The following MAGI2 variants were observed in gnomAD, a reference collection of about 807,000 sequenced individuals.
The protein encoded by MAGI2 is membrane associated guanylate kinase, WW and PDZ domain containing 2, also known as membrane-associated guanylate kinase, WW and PDZ domain-containing protein 2.
Under a neutral mutation model 133.3 loss-of-function variants are expected in MAGI2, and 35 were observed. The observed-to-expected ratio is 0.26, with a 90% CI of 0.20 to 0.35. MAGI2 has a LOEUF of 0.35. Among genes scored for constraint, MAGI2 ranks in the 10% least tolerant of loss-of-function variants. The probability of loss-of-function intolerance (pLI) is 1.00; values close to 1 mark genes in which losing one functional copy is unlikely to be tolerated. For synonymous variants in MAGI2, 729 were observed against 710.6 expected, an observed-to-expected ratio of 1.03 and a Z score of -0.41; for missense variants, 1,636 against 1,863.4, an observed-to-expected ratio of 0.88 and a Z score of 2.25.
intron 2 of MAGI2, among the ~76,000 whole-genome samples, chr7:78,926,493 T>A (rs1387228555): frequency 6.6e-6 from 1 of 151,994 alleles, no homozygotes; most frequent in Non-Finnish European, 1.5e-5. Flanking sequence ...AGTCTCCCAG[T>A]TGCCCTATGC....
chr7:79,377,159 T>C (rs567046260), intron 1 of MAGI2, among the ~76,000 whole-genome samples: 1 of 151,978 alleles, frequency 6.6e-6, no homozygotes, highest in East Asian at 1.9e-4. Context: ...GTCAGATATA[T>C]TAGGGCTGGT....
intron 2 of MAGI2, among the ~76,000 whole-genome samples, chr7:78,960,041 G>A (rs10277798): frequency 0.59 from 90,269 of 151,896 alleles, 27,123 homozygotes; most frequent in East Asian, 0.73. Flanking sequence ...AATACCTAGA[G>A]CAAGGATTCT....
At chr7:78,643,134 C>T (rs114482633) in intron 2 of MAGI2, among the ~76,000 whole-genome samples, 4,741 of 152,244 alleles carry the variant, frequency 0.031, 252 homozygotes, top group African/African-American at 0.11. Flanking sequence ...TAAATACATA[C>T]AACTATTACA....
At chr7:79,298,129 G>C (rs12670442) in intron 1 of MAGI2, among the ~76,000 whole-genome samples, 141,781 of 152,216 alleles carry the variant, frequency 0.93, 66,388 homozygotes, top group Non-Finnish European at 0.98. Flanking sequence ...ATCAGAGAAC[G>C]ATGAATACTG....
chr7:79,118,521 C>T (rs1584968896), intron 1 of MAGI2, among the ~76,000 whole-genome samples: 1 of 152,086 alleles, frequency 6.6e-6, no homozygotes, highest in Non-Finnish European at 1.5e-5. Context: ...CAATACATGG[C>T]TACTATACCT....
chr7:79,002,193 G>A (rs1314928512), intron 2 of MAGI2, among the ~76,000 whole-genome samples: 3 of 149,750 alleles, frequency 2.0e-5, no homozygotes, highest in Non-Finnish European at 4.4e-5. Context: ...ATGCAGTGGT[G>A]CAATCATGGC....
chr7:78,262,988 C>T lies in MAGI2; in HGVS notation c.1409-6407G>A, dbSNP rs368451463. 7.2e-5 allele frequency among the ~76,000 whole-genome samples: 11 copies of T among 152,264 alleles called. No individual in the cohort carries two copies. The South Asian group carries it at 2.3e-3, about 32-fold the overall frequency. On this transcript the variant is annotated intron_variant, in intron 9 of 21. Coordinates refer to ENST00000354212, the MANE Select transcript of MAGI2 (RefSeq NM_012301.4). ...GTCCTTACTCCCGTCTCTCCCTCCTCTGTCTAGTAGTCCCCAGTGTCTATC... is the reference window on the plus strand; with the variant it reads ...GTCCTTACTCCCGTCTCTCCCTCCTTTGTCTAGTAGTCCCCAGTGTCTATC...
chr7:78,454,022 T>C (rs923425697), intron 6 of MAGI2, among the ~76,000 whole-genome samples: 1 of 152,152 alleles, frequency 6.6e-6, no homozygotes, highest in African/African-American at 2.4e-5. Context: ...CACATTTATC[T>C]TTCGTGTTGA....
At chr7:78,860,475 C>T (rs902735963) in intron 2 of MAGI2, among the ~76,000 whole-genome samples, 1 of 152,184 alleles carries the variant, frequency 6.6e-6, no homozygotes, top group African/African-American at 2.4e-5. Context: ...TCAGGACCCT[C>T]AGCTGCAGGT....
chr7:78,187,135 A>G (rs571029945), intron 12 of MAGI2, among the ~76,000 whole-genome samples: 1 of 152,308 alleles, frequency 6.6e-6, no homozygotes, highest in South Asian at 2.1e-4. Flanking sequence ...ACAGATAAAA[A>G]TTAACTAAAC....
At chr7:78,952,243 G>A (rs1336671037) in intron 2 of MAGI2, among the ~76,000 whole-genome samples, 1 of 152,062 alleles carries the variant, frequency 6.6e-6, no homozygotes, top group African/African-American at 2.4e-5. Flanking sequence ...TTTGAGGGTG[G>A]GGTCATTGTC....
chr7:78,817,608 G>T (rs1403675864), intron 2 of MAGI2, among the ~76,000 whole-genome samples: 1 of 152,158 alleles, frequency 6.6e-6, no homozygotes, highest in African/African-American at 2.4e-5. Flanking sequence ...GACTCTGAAA[G>T]CTCAGATGAT....
intron 2 of MAGI2, among the ~76,000 whole-genome samples, chr7:78,995,598 T>C (rs888929910): frequency 2.0e-5 from 3 of 152,202 alleles, no homozygotes; most frequent in Non-Finnish European, 4.4e-5. Flanking sequence ...CAATTGAAGA[T>C]ACGTTCATAT....
intron 1 of MAGI2, among the ~76,000 whole-genome samples, chr7:79,326,551 A>G (rs1406430127): frequency 6.6e-6 from 1 of 152,182 alleles, no homozygotes; most frequent in Non-Finnish European, 1.5e-5. Context: ...GACCTATGAA[A>G]GGTATACTCC....
chr7:79,367,341 A>C (rs1427426253), intron 1 of MAGI2, among the ~76,000 whole-genome samples: 2 of 152,236 alleles, frequency 1.3e-5, no homozygotes, highest in Non-Finnish European at 2.9e-5. Context: ...CAGGGAGAGA[A>C]TCTTAATGCA....
intron 2 of MAGI2, among the ~76,000 whole-genome samples, chr7:78,847,937 C>G (rs977457153): frequency 6.6e-6 from 1 of 151,932 alleles, no homozygotes; most frequent in South Asian, 2.1e-4. Context: ...TAAGTATTAA[C>G]TGAATTACTG....
intron 3 of MAGI2, chr7:78,617,641 A>C (rs966072195): frequency 2.9e-4 from 44 of 152,192 alleles, no homozygotes; most frequent in African/African-American, 9.9e-4. Flanking sequence ...TATTTTGACA[A>C]ATATTACTTT....
intron 21 of MAGI2, among the ~76,000 whole-genome samples, chr7:78,033,330 G>A (rs1202890565): frequency 2.0e-5 from 3 of 151,984 alleles, no homozygotes; most frequent in Non-Finnish European, 4.4e-5. Flanking sequence ...TAAATTAGCT[G>A]GGTGCGGTGG....
intron 1 of MAGI2, among the ~76,000 whole-genome samples, chr7:79,449,353 A>ATTTTTTTT (rs11439144): frequency 7.0e-6 from 1 of 142,896 alleles, no homozygotes; most frequent in African/African-American, 2.6e-5. Flanking sequence ...AAGAATTAGA[A>ATTTTTTTT]TTTTTTTTTT....
Sources: allele counts gnomAD v4.1 joint callset (sites outside exome capture counted in the v4.1 genomes callset), GRCh38; gene constraint gnomAD v4.1.1; transcripts MANE v1.5; gene names NCBI Gene and HGNC (gene_info 2026-07-23, HGNC 2026-07-21).